The following GRIN2A variants were observed in gnomAD, a reference collection of about 807,000 sequenced individuals.
GRIN2A encodes glutamate ionotropic receptor NMDA type subunit 2A, also known as glutamate receptor ionotropic, NMDA 2A.
Under a neutral mutation model 113.4 loss-of-function variants are expected in GRIN2A, and 22 were observed. That is an observed-to-expected ratio of 0.19 (90% CI 0.14 to 0.28). The LOEUF is 0.28. Ranked by LOEUF, GRIN2A falls within the 10% of genes least tolerant of loss-of-function variation. The pLI is 1.00. For missense variants in GRIN2A, 1,502 were observed against 1,887.0 expected (o/e 0.80, Z 3.78); for synonymous variants, 827 against 738.4 (o/e 1.12, Z -1.94).
intron 2 of GRIN2A, among the ~76,000 whole-genome samples, chr16:9,960,331 T>TA (rs1439110433): frequency 1.4e-4 from 22 of 152,154 alleles, no homozygotes; most frequent in Middle Eastern, 3.2e-3. Context: ...AATAAACAGA[T>TA]AAAAAACTAT....
intron 4 of GRIN2A, among the ~76,000 whole-genome samples, chr16:9,851,667 G>A (rs2042884824): frequency 6.6e-6 from 1 of 152,200 alleles, no homozygotes; most frequent in Non-Finnish European, 1.5e-5. Flanking sequence ...GTAGTTCAGT[G>A]GGTAAGAGAA....
At chr16:9,805,110 A>G (rs1278729676) in intron 10 of GRIN2A, among the ~76,000 whole-genome samples, 1 of 152,058 alleles carries the variant, frequency 6.6e-6, no homozygotes, top group Non-Finnish European at 1.5e-5. Context: ...TCCTAGCCCC[A>G]AGACTGTTTA....
chr16:9,998,256 C>A (rs1438867434), intron 2 of GRIN2A, among the ~76,000 whole-genome samples: 1 of 152,098 alleles, frequency 6.6e-6, no homozygotes, highest in African/African-American at 2.4e-5. Context: ...ATAAGAGTGG[C>A]ATGAACCTCG....
chr16:9,991,171 C>T (rs1019570713), intron 2 of GRIN2A, among the ~76,000 whole-genome samples: 4 of 152,186 alleles, frequency 2.6e-5, no homozygotes, highest in Non-Finnish European at 4.4e-5. Flanking sequence ...TAATGAAACA[C>T]TACACTCAGC....
At chr16:9,772,665 C>T (rs1034262085) in intron 11 of GRIN2A, among the ~76,000 whole-genome samples, 12 of 152,088 alleles carry the variant, frequency 7.9e-5, no homozygotes, top group Non-Finnish European at 1.3e-4. Context: ...CGTGAGCCAC[C>T]GTGCTCAGAC....
intron 2 of GRIN2A, among the ~76,000 whole-genome samples, chr16:10,122,690 T>C (rs4780819): frequency 0.76 from 115,204 of 152,046 alleles, 44,909 homozygotes; most frequent in East Asian, 1. Flanking sequence ...TGAAAGGAAG[T>C]AGCAAAGAAA....
chr16:10,079,226 AC>A (rs1028450373), intron 2 of GRIN2A, among the ~76,000 whole-genome samples: 1 of 152,142 alleles, frequency 6.6e-6, no homozygotes, highest in Non-Finnish European at 1.5e-5. Context: ...GATAATAACA[AC>A]CAAAAAAAAT....
At chr16:9,914,376 C>T (rs1161292861) in intron 3 of GRIN2A, among the ~76,000 whole-genome samples, 1 of 152,160 alleles carries the variant, frequency 6.6e-6, no homozygotes, top group Non-Finnish European at 1.5e-5. Flanking sequence ...GACAGCCTGC[C>T]ACCATACTGG....
rs1901083292 is a variant in GRIN2A, at chr16:9,768,874, C to T, written c.2572G>A (p.Gly858Arg). Reference sequence around the variant, plus strand: ...ACCCTGCTGATGGAGAAGAGCAACCCAGGCCGGTCGGAGCACACGCCCGTG... The same window carrying T: ...ACCCTGCTGATGGAGAAGAGCAACCTAGGCCGGTCGGAGCACACGCCCGTG... ...CFTGVCSDRP[G>R]LLFSISRGIY... is the part of the protein sequence containing the mutation. The change falls in exon 12 of 13, where the codon GGG becomes AGG. Residue 858 changes from glycine to arginine, a missense_variant. Physicochemically the swap from Gly to Arg is moderately radical, Grantham distance 125 (BLOSUM62 -2). Coordinates refer to ENST00000330684, the MANE Select transcript of GRIN2A (RefSeq NM_001134407.3). 1.2e-6 allele frequency: 2 copies of T among 1,614,052 alleles called. No homozygotes were observed. Among genetic ancestry groups the T allele is most frequent in the Non-Finnish European group, 1.7e-6 (2 of 1,179,934 alleles).
Position 9,763,339 on chromosome 16 carries a change from C to A in GRIN2A, c.4205G>T (p.Arg1402Leu), listed in dbSNP as rs74935155. ...PSQAVNDSYL[R>L]SSLRSTASYC... Reference sequence around the variant, plus strand: ...CGATGCCGTTGACCTCAAGGACGACCGAAGATAGCTGTCATTCACCGCCTG... The same window carrying A: ...CGATGCCGTTGACCTCAAGGACGACAGAAGATAGCTGTCATTCACCGCCTG... Residue 1402 changes from arginine (R) to leucine (L), a missense_variant, in exon 13 of 13, where the codon CGG (arginine) becomes CTG (leucine). By Grantham distance (102) the Arg-to-Leu change is moderately radical. Around this residue, in one of 7 missense-constraint regions of GRIN2A, gnomAD observed 832 missense variants for 789.7 expected, o/e 1.05. Coordinates refer to ENST00000330684, the MANE Select transcript of GRIN2A (RefSeq NM_001134407.3). The A allele has an allele frequency of 6.2e-7, 1 of 1,614,068 alleles. No individual in the cohort carries two copies. The highest frequency in any genetic ancestry group is 1.1e-5 in the South Asian group (1 of 91,070).
At chr16:10,151,774 G>A (rs778972999) in intron 2 of GRIN2A, among the ~76,000 whole-genome samples, 13 of 152,106 alleles carry the variant, frequency 8.5e-5, no homozygotes, top group Non-Finnish European at 1.2e-4. Flanking sequence ...CAAGGCCTCC[G>A]AGTTCGAGGC....
intron 5 of GRIN2A, among the ~76,000 whole-genome samples, chr16:9,842,275 G>GA (rs1567338930): frequency 3.0e-4 from 44 of 148,366 alleles, no homozygotes; most frequent in African/African-American, 1.1e-3. Flanking sequence ...AAAAAGAAAA[G>GA]AAAGAAAGGA....
intron 6 of GRIN2A, 30 bp from the exon 7 acceptor site, chr16:9,840,830 A>G (rs2141343828): frequency 1.5e-6 from 2 of 1,309,274 alleles, no homozygotes; most frequent in East Asian, 4.8e-5. Context: ...AAAAAAAAAA[A>G]AAAGAGAGAG....
At chr16:9,800,776 A>G (rs75216577) in intron 10 of GRIN2A, among the ~76,000 whole-genome samples, 4,942 of 152,182 alleles carry the variant, frequency 0.032, 279 homozygotes, top group African/African-American at 0.11. Context: ...CTGATTGGCA[A>G]CAGCGATGGT....
intron 2 of GRIN2A, among the ~76,000 whole-genome samples, chr16:10,081,804 C>T (rs2047988926): frequency 6.6e-6 from 1 of 152,094 alleles, no homozygotes; most frequent in African/African-American, 2.4e-5. Flanking sequence ...CAGGGTCAGG[C>T]TATGGAACTG....
At chr16:9,954,361 G>C (rs2045257844) in intron 2 of GRIN2A, among the ~76,000 whole-genome samples, 1 of 152,136 alleles carries the variant, frequency 6.6e-6, no homozygotes, top group Non-Finnish European at 1.5e-5. Flanking sequence ...GATTGAGATA[G>C]ACAGATTCCT....
At chr16:9,907,768 T>G (rs1424706307) in intron 3 of GRIN2A, among the ~76,000 whole-genome samples, 1 of 152,156 alleles carries the variant, frequency 6.6e-6, no homozygotes, top group African/African-American at 2.4e-5. Context: ...CCCAAAAGGC[T>G]CACTGAGCTT....
chr16:9,781,469 TC>T (rs2141183241), intron 11 of GRIN2A, among the ~76,000 whole-genome samples: 1 of 152,228 alleles, frequency 6.6e-6, no homozygotes, highest in East Asian at 1.9e-4. Context: ...CAAGTGATCC[TC>T]CCACCTCAGC....
At chr16:9,982,419 A>G (rs1022042727) in intron 2 of GRIN2A, among the ~76,000 whole-genome samples, 1 of 152,232 alleles carries the variant, frequency 6.6e-6, no homozygotes, top group Non-Finnish European at 1.5e-5. Flanking sequence ...GGATATTCCA[A>G]TTCTACTATT....
Sources: allele counts gnomAD v4.1 joint callset (sites outside exome capture counted in the v4.1 genomes callset), GRCh38; gene constraint gnomAD v4.1.1; regional missense constraint gnomAD v4.1.1; transcripts MANE v1.5; gene names NCBI Gene and HGNC (gene_info 2026-07-23, HGNC 2026-07-21).